C10orf67: variants seen among roughly 807,000 people sequenced by gnomAD.
C10orf67 encodes the protein chromosome 10 open reading frame 67.
Under a neutral mutation model 35.6 loss-of-function variants are expected in C10orf67, and 60 were observed. The ratio of observed to expected loss-of-function variants is 1.68; its 90% CI spans 1.37 to 2.09. The LOEUF is 2.09. Among genes scored for constraint, C10orf67 ranks in the 30% most tolerant of loss-of-function variants. C10orf67 has a pLI of 0.00. For synonymous variants in C10orf67, 167 were observed against 115.8 expected (o/e 1.44, Z -2.84); for missense variants, 474 against 330.2 (o/e 1.44, Z -3.38).
intron 5 of C10orf67, among the ~76,000 whole-genome samples, chr10:23,294,786 G>A (rs577564656): frequency 3.3e-5 from 5 of 151,380 alleles, no homozygotes; most frequent in South Asian, 2.1e-4. Flanking sequence ...TCCAAATCCC[G>A]TGTTCCCAAT....
Position 23,247,929 on chromosome 10 carries a change from TAG to T in C10orf67, c.1346+2524_1346+2525del, listed in dbSNP as rs1842358128. On this transcript the variant is annotated intron_variant, in intron 12 of 15. Coordinates refer to ENST00000636213, the MANE Select transcript of C10orf67 (RefSeq NM_001371909.1). ...TACTTTGTTGAAGTAAGGAGCAGTGTAGAGTTTCTGTTTACAGAGGGTTCCAA... is the reference window on the plus strand; with the variant it reads ...TACTTTGTTGAAGTAAGGAGCAGTGTAGTTTCTGTTTACAGAGGGTTCCAA... Among the ~76,000 whole-genome samples, 8 of 152,164 alleles carry T rather than the reference TAG, an allele frequency of 5.3e-5. No homozygotes were observed. The South Asian group carries it at 1.7e-3, about 32-fold the overall frequency.
chr10:23,276,201 T>G (rs975032467), intron 8 of C10orf67, among the ~76,000 whole-genome samples: 3 of 152,130 alleles, frequency 2.0e-5, no homozygotes, highest in Admixed American at 6.5e-5. Context: ...GATAATCCAC[T>G]CCTCTTTTCT....
At chr10:23,211,495 A>ACAAT (rs764799645) in intron 15 of C10orf67, among the ~76,000 whole-genome samples, 11 of 144,490 alleles carry the variant, frequency 7.6e-5, no homozygotes, top group Non-Finnish European at 1.5e-4. Flanking sequence ...GGGGGGTATC[A>ACAAT]CAATTCAACC....
rs1050947233 is a variant in C10orf67, at chr10:23,223,887, T to C, written c.1435-69A>G. Reference sequence around the variant, plus strand: ...AATAGTCAAATCAAATGGACGTTAATGTTCTCCAGCCTTTAGTTGACCAAG... The same window carrying C: ...AATAGTCAAATCAAATGGACGTTAACGTTCTCCAGCCTTTAGTTGACCAAG... On this transcript the variant is annotated intron_variant, in intron 13 of 15. Transcript: ENST00000636213. 129 of 704,172 alleles carry C rather than the reference T, an allele frequency of 1.8e-4. 1 individual carries two copies. The African/African-American group carries it at 2.0e-3, about 11-fold the overall frequency. The allele number at this position is 704,172 out of a possible 1,614,324, so 43.6% of individuals were successfully genotyped here. A position where few individuals can be genotyped will look rare whatever the true frequency, so the allele number is the denominator to read the frequency against.
intron 12 of C10orf67, among the ~76,000 whole-genome samples, chr10:23,249,691 A>G (rs1842401247): frequency 6.6e-6 from 1 of 152,224 alleles, no homozygotes; most frequent in Non-Finnish European, 1.5e-5. Flanking sequence ...GGGCATTGCC[A>G]TCCCAGGATC....
At position 23,271,714 on chromosome 10, in the gene C10orf67, A is replaced by G. The variant is rs76769647; in HGVS notation, c.976-4460T>C. ...TTTTATGTCATCATTTGCCATCTAT[A>G]TATCTTTTTAAATAAAGTGCCTGTT... On this transcript the variant is annotated intron_variant, in intron 8 of 15. Transcript: ENST00000636213. Among the ~76,000 whole-genome samples, 458 of 152,322 alleles carry G rather than the reference A, an allele frequency of 3.0e-3. 14 individuals carry two copies. In the East Asian group the frequency reaches 0.05, roughly 16 times the overall value.
At chr10:23,339,618 TA>T (rs1413381533) in intron 1 of C10orf67, among the ~76,000 whole-genome samples, 1 of 152,208 alleles carries the variant, frequency 6.6e-6, no homozygotes, top group Admixed American at 6.5e-5. Flanking sequence ...GTATCATTCC[TA>T]ATCTCAGCCT....
intron 8 of C10orf67, among the ~76,000 whole-genome samples, chr10:23,275,401 C>A (rs1047571265): frequency 6.6e-6 from 1 of 152,186 alleles, no homozygotes; most frequent in African/African-American, 2.4e-5. Context: ...GTAAGTCCTG[C>A]CTCTCAAAAC....
chr10:23,300,557 T>C (rs1844040590), intron 5 of C10orf67, among the ~76,000 whole-genome samples: 1 of 152,184 alleles, frequency 6.6e-6, no homozygotes, highest in African/African-American at 2.4e-5. Context: ...TTAAGATCAG[T>C]TGGACTTCAA....
At chr10:23,296,836 G>A (rs1017081355) in intron 5 of C10orf67, among the ~76,000 whole-genome samples, 1 of 152,222 alleles carries the variant, frequency 6.6e-6, no homozygotes, top group Non-Finnish European at 1.5e-5. Context: ...TGTATGGCCT[G>A]CAGTGCAGGG....
chr10:23,224,744 T>C (rs1273184752), intron 13 of C10orf67, among the ~76,000 whole-genome samples: 4 of 152,200 alleles, frequency 2.6e-5, no homozygotes, highest in East Asian at 1.9e-4. Context: ...GAAGCTTTAG[T>C]AGCCGATTCG....
At position 23,268,959 on chromosome 10, in the gene C10orf67, C is replaced by A. The variant is rs138377458; in HGVS notation, c.976-1705G>T. 5.2e-3 allele frequency among the ~76,000 whole-genome samples: 787 copies of A among 152,290 alleles called. 7 individuals are homozygous for A. Among genetic ancestry groups the A allele is most frequent in the African/African-American group, 0.018 (751 of 41,574 alleles). On this transcript the variant is annotated intron_variant, in intron 8 of 15. Transcript: ENST00000636213. ...TATCATAATCTTATTGGACTACCAT[C>A]GTGTATTTAGTCTGTTGTTGACCAA...
At chr10:23,237,763 G>A (rs1423737379) in intron 13 of C10orf67, among the ~76,000 whole-genome samples, 1 of 152,138 alleles carries the variant, frequency 6.6e-6, no homozygotes, top group African/African-American at 2.4e-5. Flanking sequence ...TCAAAACAAC[G>A]CTTATTTGGT....
At chr10:23,236,216 T>C (rs1204176702) in intron 13 of C10orf67, among the ~76,000 whole-genome samples, 5 of 125,490 alleles carry the variant, frequency 4.0e-5, no homozygotes, top group African/African-American at 1.6e-4. Context: ...GCCACTGCAC[T>C]CCAACCTGGG....
intron 13 of C10orf67, among the ~76,000 whole-genome samples, chr10:23,227,489 T>G (rs1470087762): frequency 6.6e-6 from 1 of 152,146 alleles, no homozygotes; most frequent in East Asian, 1.9e-4. Flanking sequence ...TCACACTGAA[T>G]AGGCAAAAAC....
At chr10:23,257,187 G>T (rs1299084966) in intron 10 of C10orf67, among the ~76,000 whole-genome samples, 1 of 152,146 alleles carries the variant, frequency 6.6e-6, no homozygotes, top group African/African-American at 2.4e-5. Context: ...TCCTGCCCAA[G>T]ACCAACTTCA....
intron 7 of C10orf67, 64 bp downstream of exon 7, chr10:23,289,836 T>C (rs919452854): frequency 1.4e-6 from 1 of 705,400 alleles, no homozygotes; most frequent in Non-Finnish European, 2.6e-6. Flanking sequence ...ACAGTGTTAT[T>C]TGGCCAATTG....
chr10:23,337,908 C>T (rs1224926324), intron 1 of C10orf67, among the ~76,000 whole-genome samples: 2 of 152,224 alleles, frequency 1.3e-5, no homozygotes, highest in African/African-American at 2.4e-5. Flanking sequence ...GGAAAATCCT[C>T]TCACTGAATA....
chr10:23,230,610 T>C (rs1841882216), intron 13 of C10orf67, among the ~76,000 whole-genome samples: 1 of 151,868 alleles, frequency 6.6e-6, no homozygotes, highest in Non-Finnish European at 1.5e-5. Context: ...TATGAAAAAA[T>C]AAATGTGAAA....
Sources: gnomAD v4.1 joint callset for allele counts (sites outside exome capture counted in the v4.1 genomes callset) on GRCh38, gnomAD v4.1.1 for gene constraint, MANE v1.5 for transcripts, NCBI Gene and HGNC (gene_info 2026-07-23, HGNC 2026-07-21) for gene names.